The following DNA2 variants were observed in gnomAD, a reference collection of about 807,000 sequenced individuals.
The protein encoded by DNA2 is DNA replication ATP-dependent helicase/nuclease DNA2.
In DNA2, 101 loss-of-function variants were observed where a neutral mutation model predicts 119.1. That is an observed-to-expected ratio of 0.85 (90% confidence interval 0.72 to 1.00). The LOEUF (loss-of-function observed/expected upper bound fraction) is 1.00. DNA2 is among the 50% of genes least tolerant of loss of function. The pLI is 0.00. For missense variants in DNA2, 1,121 were observed against 1,255.5 expected, an observed-to-expected ratio of 0.89 and a Z score of 1.62; for synonymous variants, 366 against 424.4, an observed-to-expected ratio of 0.86 and a Z score of 1.69.
chr10:68,460,553 A>G (rs1010880189), intron 4 of DNA2, among the ~76,000 whole-genome samples: 1 of 151,316 alleles, frequency 6.6e-6, no homozygotes. Context: ...AACCATAGAC[A>G]TATGACACCA....
In DNA2 at chr10:68,422,373, G is replaced by C; in HGVS notation, c.2549C>G (p.Ser850Ter). Residue 850 changes from serine to a stop codon, truncating the protein, a stop_gained, in exon 17 of 21, where the codon TCA (serine) becomes TGA (stop). Transcript: ENST00000358410. LOFTEE classifies it high-confidence loss of function. ...LTYEGKLECG[S>*]DKVANAVINL... ...TATCACTGCATTGGCCACTTTGTCT[G>C]ATCCACACTCCAGCTTGCCCTCATA... 2.5e-6 allele frequency: 4 copies of C among 1,613,916 alleles called. No individual in the cohort carries two copies. Among genetic ancestry groups the C allele is most frequent in the Non-Finnish European group, 3.4e-6 (4 of 1,179,886 alleles).
intron 20 of DNA2, among the ~76,000 whole-genome samples, chr10:68,415,470 T>C (rs1430176891): frequency 2.0e-5 from 3 of 151,950 alleles, no homozygotes; most frequent in African/African-American, 7.3e-5. Flanking sequence ...GAGACAGGGT[T>C]TCTCCATGCT....
chr10:68,416,525 A>G, intron 20 of DNA2, 184 bp downstream of exon 20: 2 of 559,422 alleles, frequency 3.6e-6, no homozygotes, highest in South Asian at 4.7e-5. Context: ...AAAGGGTTAT[A>G]GGCTGGGGGC....
intron 5 of DNA2, among the ~76,000 whole-genome samples, chr10:68,454,495 G>A (rs978157702): frequency 1.3e-5 from 2 of 151,810 alleles, no homozygotes; most frequent in Non-Finnish European, 2.9e-5. Flanking sequence ...TACAAAAATA[G>A]ATATCTACCG....
At chr10:68,419,765 C>CT in intron 18 of DNA2, 38 bp downstream of exon 18, 1 of 1,436,842 alleles carries the variant, frequency 7.0e-7, no homozygotes. Context: ...TTTTATTCTG[C>CT]ACTTTAATAT....
At chr10:68,453,503 G>GA (rs2052145965) in intron 5 of DNA2, among the ~76,000 whole-genome samples, 1 of 152,078 alleles carries the variant, frequency 6.6e-6, no homozygotes. Context: ...AGTTCTGTGT[G>GA]ACTTGAAAAA....
At chr10:68,458,696 A>C (rs2052217350) in intron 5 of DNA2, among the ~76,000 whole-genome samples, 1 of 151,656 alleles carries the variant, frequency 6.6e-6, no homozygotes, top group African/African-American at 2.4e-5. Context: ...TAAAAATACA[A>C]AATTAGCCAG....
chr10:68,422,154 G>A (rs2133361317), intron 17 of DNA2, 71 bp downstream of exon 17: 2 of 1,240,196 alleles, frequency 1.6e-6, no homozygotes, highest in Middle Eastern at 2.2e-4. Flanking sequence ...TAGGGCATGT[G>A]CTAATGAAAA....
rs554332250 is a variant in DNA2, at chr10:68,436,914, T to TA, written c.1646+96dup. On this transcript the variant is annotated intron_variant, in intron 10 of 20. Coordinates refer to ENST00000358410, the MANE Select transcript of DNA2 (RefSeq NM_001080449.3). ...TAGCTGCACAACGCTGTGAATATAC[T>TA]AAAAACCAGCGAATTGTACATTTTA... is the stretch of plus-strand genomic sequence containing the variant. 280 of 997,156 alleles carry TA rather than the reference T, an allele frequency of 2.8e-4. 2 individuals carry two copies. In the African/African-American group the frequency reaches 4.2e-3, roughly 15 times the overall value. The allele number at this position is 997,156 out of a possible 1,614,324, so 61.8% of individuals were successfully genotyped here. A position where few individuals can be genotyped will look rare whatever the true frequency, so the allele number is the denominator to read the frequency against.
At chr10:68,461,554 C>T (rs974050055) in intron 4 of DNA2, 2 of 152,090 alleles carry the variant, frequency 1.3e-5, no homozygotes, top group Non-Finnish European at 2.9e-5. Context: ...AATGGCCAGG[C>T]TCTGTGGCTC....
Position 68,416,846 on chromosome 10 carries a change from G to T in DNA2, c.2977C>A (p.Leu993Ile), listed in dbSNP as rs2051595870. 6.2e-7 allele frequency: 1 copy of T among 1,606,180 alleles called. No homozygotes were observed. The highest frequency in any genetic ancestry group is 1.7e-5 in the Admixed American group (1 of 58,038). ...RSNKDGTVGE[L>I]LKDWRRLNVA... ...TTAAGACGTCGCCAATCTTTCAAGA[G>T]TTCACCAACCTGTAAGAAATATAAT... The change falls in exon 20 of 21, where the codon CTC (leucine) becomes ATC (isoleucine). Residue 993 changes from leucine (L) to isoleucine (I), a missense_variant. Transcript: ENST00000358410.
chr10:68,448,363 C>G (rs2052069085), intron 6 of DNA2, among the ~76,000 whole-genome samples: 1 of 152,148 alleles, frequency 6.6e-6, no homozygotes, highest in South Asian at 2.1e-4. Flanking sequence ...CATGTAACAG[C>G]TTTAGCTGTA....
At chr10:68,470,740 A>T (rs2052373766) in intron 1 of DNA2, 1 of 315,986 alleles carries the variant, frequency 3.2e-6, no homozygotes, top group South Asian at 2.6e-5. Flanking sequence ...TTTTGTAAAT[A>T]TGAGACTTAT....
intron 4 of DNA2, among the ~76,000 whole-genome samples, chr10:68,461,251 C>T (rs972097605): frequency 2.0e-5 from 3 of 152,144 alleles, no homozygotes; most frequent in South Asian, 2.1e-4. Flanking sequence ...AATATGAATA[C>T]ATTTTTTATC....
chr10:68,448,160 G>C (rs1359829625), intron 6 of DNA2, among the ~76,000 whole-genome samples: 1 of 151,990 alleles, frequency 6.6e-6, no homozygotes, highest in African/African-American at 2.4e-5. Context: ...ACAGTCTGTA[G>C]AGACTATTTT....
At chr10:68,463,624 G>A (rs2052289878) in intron 4 of DNA2, among the ~76,000 whole-genome samples, 1 of 148,676 alleles carries the variant, frequency 6.7e-6, no homozygotes, top group Non-Finnish European at 1.5e-5. Context: ...TGAGCCTAGT[G>A]AGCCACTGCA....
chr10:68,419,693 C>A, intron 18 of DNA2, 110 bp downstream of exon 18: 1 of 754,380 alleles, frequency 1.3e-6, no homozygotes. Context: ...GCTTCAATCC[C>A]CCCCTTATCT....
At chr10:68,417,079 A>G (rs779338843) in intron 19 of DNA2, among the ~76,000 whole-genome samples, 3 of 152,068 alleles carry the variant, frequency 2.0e-5, no homozygotes, top group Admixed American at 1.3e-4. Flanking sequence ...CCCCATCTCT[A>G]CAAAATATAC....
chr10:68,462,191 T>C (rs774969335), intron 4 of DNA2, among the ~76,000 whole-genome samples: 1 of 151,970 alleles, frequency 6.6e-6, no homozygotes, highest in Non-Finnish European at 1.5e-5. Context: ...GCCAATATGG[T>C]GAAACCCTGT....
Sources: gnomAD v4.1 joint callset for allele counts (sites outside exome capture counted in the v4.1 genomes callset) on GRCh38, gnomAD v4.1.1 for gene constraint, MANE v1.5 for transcripts, NCBI Gene and HGNC (gene_info 2026-07-23, HGNC 2026-07-21) for gene names.